The following SMURF1 variants were observed in gnomAD, a reference collection of about 807,000 sequenced individuals.
SMURF1 encodes the protein E3 ubiquitin-protein ligase SMURF1.
In SMURF1, 44 loss-of-function variants were observed where a neutral mutation model predicts 98.0. That is an observed-to-expected ratio of 0.45 (90% CI 0.35 to 0.58). The LOEUF (loss-of-function observed/expected upper bound fraction) is 0.58. Ranked by LOEUF, SMURF1 falls within the 20% of genes least tolerant of loss-of-function variation. The pLI is 0.00. For missense variants in SMURF1, 687 were observed against 938.4 expected (o/e 0.73, Z 3.50); for synonymous variants, 396 against 374.9 (o/e 1.06, Z -0.65).
chr7:99,046,410 T>C (rs1221062189), intron 10 of SMURF1, among the ~76,000 whole-genome samples: 1 of 152,174 alleles, frequency 6.6e-6, no homozygotes, highest in Non-Finnish European at 1.5e-5. Flanking sequence ...AAATTTTTCG[T>C]GCTTTAAATT....
At chr7:99,052,665 C>T (rs571965449) in intron 6 of SMURF1, among the ~76,000 whole-genome samples, 52 of 152,320 alleles carry the variant, frequency 3.4e-4, no homozygotes, top group African/African-American at 1.2e-3. Flanking sequence ...GGAGTGTCCC[C>T]AAGGCCAACT....
intron 1 of SMURF1, among the ~76,000 whole-genome samples, chr7:99,063,275 A>AAGATTTT (rs1367077026): frequency 1.3e-3 from 27 of 20,626 alleles, no homozygotes; most frequent in Non-Finnish European, 1.9e-3. Context: ...ATATATATAT[A>AAGATTTT]TATATATATA....
In SMURF1 at chr7:99,053,828, G is replaced by A. The variant is rs111239742; in HGVS notation, c.479+962C>T. 4.1e-3 allele frequency among the ~76,000 whole-genome samples: 627 copies of A among 152,204 alleles called. 2 individuals are homozygous for A. Among genetic ancestry groups the A allele is most frequent in the African/African-American group, 0.013 (552 of 41,520 alleles). Reference sequence around the variant, plus strand: ...TTGTGACAGTGACCAATGACGGTTCGGCAGTTTGTTGTATTTTTTTAGTGT... The same window carrying A: ...TTGTGACAGTGACCAATGACGGTTCAGCAGTTTGTTGTATTTTTTTAGTGT... On this transcript the variant is annotated intron_variant, in intron 6 of 17. Coordinates refer to ENST00000361368, the MANE Select transcript of SMURF1 (RefSeq NM_181349.3).
intron 15 of SMURF1, chr7:99,036,602 C>CTAT: frequency 6.2e-6 from 1 of 162,012 alleles, no homozygotes. Flanking sequence ...ACGGCTTGAG[C>CTAT]TATTTGGCAC....
At chr7:99,120,034 G>A (rs552101757) in intron 1 of SMURF1, among the ~76,000 whole-genome samples, 11 of 152,294 alleles carry the variant, frequency 7.2e-5, no homozygotes, top group Non-Finnish European at 1.6e-4. Context: ...GACCCCTCAT[G>A]AATGGGTTGG....
At chr7:99,036,680 A>G (rs1044363160) in intron 15 of SMURF1, among the ~76,000 whole-genome samples, 1 of 152,124 alleles carries the variant, frequency 6.6e-6, no homozygotes, top group Admixed American at 6.6e-5. Flanking sequence ...AGAAGACAGT[A>G]GCCCCTTGTT....
At chr7:99,086,684 GGATA>G (rs1163229062) in intron 1 of SMURF1, among the ~76,000 whole-genome samples, 1 of 152,170 alleles carries the variant, frequency 6.6e-6, no homozygotes, top group Non-Finnish European at 1.5e-5. Flanking sequence ...TCTGATGAAT[GGATA>G]AACAAACCGC....
chr7:99,034,114 CCCCTCACAGGCCACA>C (rs1584439547), intron 16 of SMURF1, among the ~76,000 whole-genome samples: 1 of 152,176 alleles, frequency 6.6e-6, no homozygotes, highest in African/African-American at 2.4e-5. Context: ...CTGGCTCCTC[CCCCTCACAGGCCACA>C]CCCTCCAAGC....
intron 1 of SMURF1, chr7:99,121,129 G>A (rs1043829322): frequency 6.9e-6 from 1 of 145,760 alleles, no homozygotes; most frequent in Admixed American, 7.1e-5. Flanking sequence ...GATGGGAGAG[G>A]AAAACCATCT....
chr7:99,048,005 T>C, intron 9 of SMURF1, 123 bp from the exon 10 acceptor site: 1 of 911,674 alleles, frequency 1.1e-6, no homozygotes, highest in Non-Finnish European at 1.7e-6. Context: ...AGAATTTGTT[T>C]CCCTGATGAC....
chr7:99,075,680 A>G lies in SMURF1; in HGVS notation c.56-13843T>C, dbSNP rs1211939327. Among the ~76,000 whole-genome samples, 3 of 152,020 alleles carry G rather than the reference A, an allele frequency of 2.0e-5. No homozygotes were observed. The East Asian group carries it at 5.8e-4, about 29-fold the overall frequency. On this transcript the variant is annotated intron_variant, in intron 1 of 17. Transcript: ENST00000361368. ...TTAGGTGTCATCAGTGTCATGTGTA[A>G]CAACAGCTCAGAGTATCACACACAG...
chr7:99,060,970 A>T (rs757376120), intron 2 of SMURF1, among the ~76,000 whole-genome samples: 4 of 152,152 alleles, frequency 2.6e-5, no homozygotes, highest in Non-Finnish European at 4.4e-5. Flanking sequence ...AGTGTCTGAA[A>T]GTAATTGTAT....
chr7:99,058,516 C>T (rs1388607938), intron 3 of SMURF1, among the ~76,000 whole-genome samples: 1 of 152,112 alleles, frequency 6.6e-6, no homozygotes, highest in East Asian at 1.9e-4. Flanking sequence ...TACTGGTTTG[C>T]GACAAGGGAC....
rs149276240 is a variant in SMURF1 at position 99,045,405 on chromosome 7, C to A, written c.1256+293G>T. 9.3e-4 allele frequency: 378 copies of A among 406,878 alleles called. 2 individuals are homozygous for A. Among genetic ancestry groups the A allele is most frequent in the African/African-American group, 7.1e-3 (347 of 49,042 alleles). The allele number at this position is 406,878 out of a possible 1,614,324, so 25.2% of individuals were successfully genotyped here. On this transcript the variant is annotated intron_variant, in intron 11 of 17. Transcript: ENST00000361368. ...TTTCAGGAGCATGCTCCTCATGTTT[C>A]AAAAGAAGGGAGTGAATTTAAAAGT... is the stretch of plus-strand genomic sequence containing the variant.
intron 1 of SMURF1, among the ~76,000 whole-genome samples, chr7:99,094,569 A>G (rs1471762471): frequency 6.6e-6 from 1 of 152,154 alleles, no homozygotes; most frequent in African/African-American, 2.4e-5. Flanking sequence ...TAGCAGTGAC[A>G]TCTTATAGCA....
chr7:99,063,360 A>C (rs1189910593), intron 1 of SMURF1, among the ~76,000 whole-genome samples: 1 of 143,592 alleles, frequency 7.0e-6, no homozygotes, highest in African/African-American at 2.6e-5. Flanking sequence ...TGGCACAATC[A>C]TAGCTCACTG....
chr7:99,132,516 G>A (rs1266311879), intron 1 of SMURF1, among the ~76,000 whole-genome samples: 1 of 152,122 alleles, frequency 6.6e-6, no homozygotes. Context: ...ACCATGAAGT[G>A]GTGAGTGCTA....
intron 1 of SMURF1, among the ~76,000 whole-genome samples, chr7:99,071,671 G>A (rs1796326198): frequency 6.6e-6 from 1 of 152,132 alleles, no homozygotes; most frequent in African/African-American, 2.4e-5. Flanking sequence ...TAACACCTTT[G>A]CTTTGGAAGG....
intron 11 of SMURF1, among the ~76,000 whole-genome samples, chr7:99,044,307 G>A (rs1454134503): frequency 6.6e-6 from 1 of 151,574 alleles, no homozygotes. Context: ...GTGAGATGCT[G>A]TCTCCAGAAA....
Sources: gnomAD v4.1 joint callset for allele counts (sites outside exome capture counted in the v4.1 genomes callset) on GRCh38, gnomAD v4.1.1 for gene constraint, MANE v1.5 for transcripts, NCBI Gene and HGNC (gene_info 2026-07-23, HGNC 2026-07-21) for gene names.